The following MRTFB variants were observed in gnomAD, a reference collection of about 807,000 sequenced individuals.
The protein encoded by MRTFB is myocardin-related transcription factor B.
MRTFB carries 29 observed loss-of-function variants against 104.2 expected under a neutral mutation model. The ratio of observed to expected loss-of-function variants is 0.28; its 90% CI spans 0.21 to 0.38. The LOEUF is 0.38. MRTFB is among the 10% of genes least tolerant of loss of function. MRTFB has a pLI of 1.00. For missense variants in MRTFB, 1,270 were observed against 1,341.6 expected, an observed-to-expected ratio of 0.95 and a Z score of 0.83; for synonymous variants, 535 against 519.5, an observed-to-expected ratio of 1.03 and a Z score of -0.41.
At chr16:14,130,784 A>G (rs752839672) in intron 2 of MRTFB, among the ~76,000 whole-genome samples, 1 of 148,464 alleles carries the variant, frequency 6.7e-6, no homozygotes, top group Non-Finnish European at 1.5e-5. Context: ...AGGCCTCAGG[A>G]AACTTATACA....
At chr16:14,099,187 GGGTCT>G (rs2035558810) in intron 2 of MRTFB, among the ~76,000 whole-genome samples, 1 of 152,002 alleles carries the variant, frequency 6.6e-6, no homozygotes, top group South Asian at 2.1e-4. Context: ...CATTAAGTCT[GGGTCT>G]TCCAAACCAA....
At chr16:14,142,781 T>G (rs2038077951) in intron 3 of MRTFB, 1 of 152,156 alleles carries the variant, frequency 6.6e-6, no homozygotes, top group Admixed American at 6.5e-5. Context: ...GTGAGGAGAC[T>G]TTATCCTTTA....
chr16:14,073,989 CATTT>C (rs2033887256), intron 1 of MRTFB, among the ~76,000 whole-genome samples: 1 of 152,106 alleles, frequency 6.6e-6, no homozygotes, highest in South Asian at 2.1e-4. Flanking sequence ...CTACGTATAA[CATTT>C]ATATATGTTA....
the MRTFB span, among the ~76,000 whole-genome samples, chr16:14,017,278 G>C: frequency 2.9e-4 from 44 of 151,656 alleles, no homozygotes; most frequent in East Asian, 1.4e-3. Flanking sequence ...GGATGGTCTC[G>C]ATCTCCTGAC....
At chr16:14,197,662 G>C (rs1466597933) in intron 3 of MRTFB, among the ~76,000 whole-genome samples, 1 of 152,040 alleles carries the variant, frequency 6.6e-6, no homozygotes, top group Non-Finnish European at 1.5e-5. Context: ...TTATATATAT[G>C]GTAAGCATTG....
chr16:14,065,974 T>C, the MRTFB span, among the ~76,000 whole-genome samples: 1 of 152,164 alleles, frequency 6.6e-6, no homozygotes, highest in East Asian at 1.9e-4. Context: ...TTCTACTTAC[T>C]ACATTGTATT....
chr16:14,076,299 C>G (rs529903893), intron 1 of MRTFB, among the ~76,000 whole-genome samples: 67 of 152,226 alleles, frequency 4.4e-4, no homozygotes, highest in African/African-American at 1.5e-3. Flanking sequence ...TCAAGCGATT[C>G]TCCTGCCTCA....
intron 15 of MRTFB, among the ~76,000 whole-genome samples, chr16:14,254,046 G>A (rs867963628): frequency 6.6e-6 from 1 of 152,270 alleles, no homozygotes; most frequent in South Asian, 2.1e-4. Flanking sequence ...CTTACTTGAT[G>A]AATCTTCCAC....
intron 7 of MRTFB, 94 bp from the exon 8 acceptor site, chr16:14,218,725 TA>T: frequency 7.7e-7 from 1 of 1,301,678 alleles, no homozygotes; most frequent in Non-Finnish European, 1.0e-6. Flanking sequence ...AGCAGCTTCA[TA>T]AATTTTCATA....
At chr16:14,224,746 A>G (rs1018613888) in intron 8 of MRTFB, among the ~76,000 whole-genome samples, 2 of 152,226 alleles carry the variant, frequency 1.3e-5, no homozygotes, top group African/African-American at 4.8e-5. Flanking sequence ...AATTGTTTTC[A>G]AAAATAAAGG....
At chr16:14,083,940 C>G (rs370659326) in intron 2 of MRTFB, among the ~76,000 whole-genome samples, 2 of 152,214 alleles carry the variant, frequency 1.3e-5, no homozygotes, top group East Asian at 3.9e-4. Flanking sequence ...AACAAGGTTT[C>G]TAATTGGAAT....
chr16:14,052,186 T>C, the MRTFB span, among the ~76,000 whole-genome samples: 1 of 152,058 alleles, frequency 6.6e-6, no homozygotes, highest in East Asian at 1.9e-4. Context: ...CGTGGTAGGA[T>C]TGTTGGGAGG....
At chr16:14,231,802 G>A (rs2042280919) in intron 8 of MRTFB, among the ~76,000 whole-genome samples, 1 of 152,110 alleles carries the variant, frequency 6.6e-6, no homozygotes, top group Non-Finnish European at 1.5e-5. Flanking sequence ...GTCTAAGTGG[G>A]GTTTGGTACG....
At chr16:14,183,015 G>GC (rs2039821114) in intron 3 of MRTFB, among the ~76,000 whole-genome samples, 1 of 152,074 alleles carries the variant, frequency 6.6e-6, no homozygotes, top group African/African-American at 2.4e-5. Context: ...AAATAATTTA[G>GC]CCAAACACAC....
chr16:14,252,213 C>A, intron 14 of MRTFB, 152 bp from the exon 15 acceptor site: 1 of 1,289,656 alleles, frequency 7.8e-7, no homozygotes, highest in South Asian at 1.5e-5. Context: ...AAGGTGGCCA[C>A]CAGTGCTGTC....
At chr16:14,145,949 C>G (rs74580319) in intron 3 of MRTFB, among the ~76,000 whole-genome samples, 1 of 152,176 alleles carries the variant, frequency 6.6e-6, no homozygotes, top group African/African-American at 2.4e-5. Flanking sequence ...CTGAGGGGAC[C>G]CTGCGGGAGA....
At chr16:14,210,351 A>G in intron 4 of MRTFB, 43 bp downstream of exon 4, 6 of 1,500,454 alleles carry the variant, frequency 4.0e-6, no homozygotes, top group Non-Finnish European at 5.5e-6. Flanking sequence ...GTGACAGAAC[A>G]TGACGGGCGT....
At chr16:14,039,896 G>A in the MRTFB span, among the ~76,000 whole-genome samples, 2 of 151,456 alleles carry the variant, frequency 1.3e-5, no homozygotes, top group Admixed American at 1.3e-4. Flanking sequence ...TTACAGGCAT[G>A]CACCACCACG....
At chr16:14,035,397 A>G in the MRTFB span, among the ~76,000 whole-genome samples, 1,941 of 152,274 alleles carry the variant, frequency 0.013, 17 homozygotes, top group Admixed American at 0.022. Context: ...TCTATCTCAG[A>G]AATTTAGCTA....
Sources: allele counts gnomAD v4.1 joint callset (sites outside exome capture counted in the v4.1 genomes callset), GRCh38; gene constraint gnomAD v4.1.1; transcripts MANE v1.5; gene names NCBI Gene and HGNC (gene_info 2026-07-23, HGNC 2026-07-21).